NCOR2: variants seen among roughly 807,000 people sequenced by gnomAD.
NCOR2 encodes the protein CTG repeat protein 26.
In NCOR2, 81 loss-of-function variants were observed where a neutral mutation model predicts 262.9. The ratio of observed to expected loss-of-function variants is 0.31; its 90% CI spans 0.26 to 0.37. NCOR2 has a LOEUF of 0.37. Ranked by LOEUF, NCOR2 falls within the 10% of genes least tolerant of loss-of-function variation. The pLI, the probability that NCOR2 is intolerant of heterozygous loss-of-function variation, is 1.00. For missense variants in NCOR2, 3,385 were observed against 3,621.4 expected (o/e 0.93, Z 1.68); for synonymous variants, 1,659 against 1,559.3 (o/e 1.06, Z -1.51).
At chr12:124,538,933 G>A (rs2051201520), upstream of NCOR2, 1 of 152,448 alleles carries the variant, frequency 6.6e-6, no homozygotes, top group Middle Eastern at 3.4e-3. Flanking sequence ...CTGCTCTGAG[G>A]GAGGAGTCAC....
At chr12:124,367,508 C>T (rs1451228701) in intron 20 of NCOR2, among the ~76,000 whole-genome samples, 1 of 152,216 alleles carries the variant, frequency 6.6e-6, no homozygotes, top group African/African-American at 2.4e-5. Context: ...GTGGAAAACG[C>T]TCAGAGCTCA....
intron 1 of NCOR2, among the ~76,000 whole-genome samples, chr12:124,547,008 G>T (rs1298222618): frequency 7.9e-5 from 12 of 151,390 alleles, no homozygotes; most frequent in African/African-American, 2.4e-4. Flanking sequence ...TATTTTTTTT[G>T]AGATGGAGTC....
chr12:124,554,902 C>T (rs757139287), intron 1 of NCOR2, among the ~76,000 whole-genome samples: 19 of 152,334 alleles, frequency 1.2e-4, no homozygotes, highest in African/African-American at 4.3e-4. Flanking sequence ...GAGGGTGACC[C>T]GGAGGGGAAT....
chr12:124,494,746 T>G (rs149402081), intron 1 of NCOR2, among the ~76,000 whole-genome samples: 247 of 152,226 alleles, frequency 1.6e-3, no homozygotes, highest in African/African-American at 5.5e-3. Flanking sequence ...AGGGGAGCTG[T>G]GACCTATCCG....
intron 1 of NCOR2, among the ~76,000 whole-genome samples, chr12:124,533,743 G>A (rs540901691): frequency 4.6e-5 from 7 of 152,240 alleles, no homozygotes; most frequent in African/African-American, 9.6e-5. Context: ...AGAAACGCAC[G>A]GGAGCTGGTG....
At chr12:124,433,904 A>ACACACATG (rs2044172487) in intron 8 of NCOR2, among the ~76,000 whole-genome samples, 4 of 93,924 alleles carry the variant, frequency 4.3e-5, no homozygotes, top group South Asian at 7.9e-4. Flanking sequence ...ACACACGCAC[A>ACACACATG]CACACACACA....
At chr12:124,332,445 C>G in exon 43 of NCOR2, 1 of 1,614,182 alleles carries the variant, frequency 6.2e-7, no homozygotes, top group Non-Finnish European at 8.5e-7. Flanking sequence ...CTGGTGTTGC[C>G]TGGAGACTTG....
chr12:124,430,091 G>A, intron 9 of NCOR2, among the ~76,000 whole-genome samples: 1 of 152,226 alleles, frequency 6.6e-6, no homozygotes, highest in East Asian at 1.9e-4. Context: ...GCTGTTGTGG[G>A]GAACTTAATG....
chr12:124,529,275 T>C (rs2050660735), intron 1 of NCOR2, among the ~76,000 whole-genome samples: 1 of 145,186 alleles, frequency 6.9e-6, no homozygotes, highest in South Asian at 2.2e-4. Context: ...AAGAACAGCC[T>C]GGCCAACATG....
Position 124,340,323 on chromosome 12 carries a change from G to A in NCOR2, c.5459C>T (p.Thr1820Met), listed in dbSNP as rs61755988. ...TCTCCAGATGGGTGCGTGCTCCACC[G>A]TCGTGGTGGACGTGAGGATGGACTT... The change falls in exon 36 of 47, where the codon ACG becomes ATG. Residue 1820 changes from threonine (T) to methionine (M), a missense_variant. Thr to Met is a moderately conservative substitution (Grantham distance 81). Transcript: ENST00000405201. The A allele has an allele frequency of 7.1e-3, 11,525 of 1,612,434 alleles. 61 individuals are homozygous for A. Among genetic ancestry groups the A allele is most frequent in the Non-Finnish European group, 9.2e-3 (10,877 of 1,179,914 alleles).
Position 124,457,500 on chromosome 12 carries a change from AC to A in NCOR2, c.706-339del, listed in dbSNP as rs1313024972. ...GCACCGCTCCCCACCAGCCCAGCCG[AC>A]ACTGCCAGCCCTGAGATGCCTTCCC... On this transcript the variant is annotated intron_variant, in intron 5 of 46. Transcript: ENST00000405201. The surrounding 1 kb of genome is among the most constrained non-coding windows in gnomAD (Gnocchi z 4.0). 6.6e-6 allele frequency among the ~76,000 whole-genome samples: 1 copy of A among 152,008 alleles called. No individual in the cohort carries two copies. The highest frequency in any genetic ancestry group is 1.9e-4 in the East Asian group (1 of 5,154).
intron 8 of NCOR2, among the ~76,000 whole-genome samples, chr12:124,431,205 C>T (rs948259041): frequency 2.8e-5 from 4 of 144,924 alleles, no homozygotes; most frequent in African/African-American, 1.2e-4. Flanking sequence ...CACACAGGCA[C>T]ACACACATAC....
chr12:124,411,293 G>A (rs758512805), intron 13 of NCOR2, among the ~76,000 whole-genome samples: 15 of 151,100 alleles, frequency 9.9e-5, no homozygotes, highest in Middle Eastern at 3.4e-3. Context: ...GAGAGAGAGA[G>A]AAACCTAGAA....
chr12:124,479,464 CACACAA>C (rs1280135375), intron 3 of NCOR2, among the ~76,000 whole-genome samples: 195 of 101,008 alleles, frequency 1.9e-3, no homozygotes, highest in African/African-American at 6.8e-3. Context: ...TACACACACA[CACACAA>C]ACACGCAGGG....
In NCOR2 at chr12:124,327,639, A is replaced by G. The variant is rs1177660026; in HGVS notation, c.6959-6T>C. 2.6e-6 allele frequency: 4 copies of G among 1,565,346 alleles called. No homozygotes were observed. The highest frequency in any genetic ancestry group is 1.1e-5 in the South Asian group (1 of 90,112). ...GCTTCTATAGGTCATAAGGCCTGGGAGAGAGAGACAGACAGACAGACAGAC... is the reference window on the plus strand; with the variant it reads ...GCTTCTATAGGTCATAAGGCCTGGGGGAGAGAGACAGACAGACAGACAGAC... On this transcript the variant is annotated splice_region_variant and splice_polypyrimidine_tract_variant and intron_variant, in intron 44 of 46. Coordinates refer to ENST00000405201, the Ensembl canonical transcript of NCOR2.
intron 29 of NCOR2, 86 bp downstream of exon 31, chr12:124,348,088 G>A (rs952465041): frequency 6.3e-7 from 1 of 1,582,348 alleles, no homozygotes; most frequent in African/African-American, 1.3e-5. Context: ...CCCAGCCTCG[G>A]TTTCCCCATC....
intron 8 of NCOR2, among the ~76,000 whole-genome samples, chr12:124,436,942 C>A (rs1052238584): frequency 1.3e-5 from 2 of 151,952 alleles, no homozygotes; most frequent in Admixed American, 6.6e-5. Flanking sequence ...AAAAATTAGC[C>A]GGGCTTGGTG....
rs1350073771 is a variant in NCOR2, at chr12:124,566,392, C to A, written c.-165+916G>T. On this transcript the variant is annotated intron_variant, in intron 1 of 32. Coordinates refer to the NCOR2 transcript ENST00000458234. This position sits in a 1 kb window ranked among gnomAD's most constrained non-coding sequence, Gnocchi z 4.3. ...GCCGGGCGCCCCACGCTAATTGGGC[C>A]CGGGCGACAGCAGCTCCCAGGTACA... Among the ~76,000 whole-genome samples the A allele has an allele frequency of 6.6e-6, 1 of 152,034 alleles. No individual in the cohort carries two copies. The highest frequency in any genetic ancestry group is 2.4e-5 in the African/African-American group (1 of 41,390).
At chr12:124,466,810 G>C (rs2046439367) in intron 4 of NCOR2, among the ~76,000 whole-genome samples, 1 of 152,034 alleles carries the variant, frequency 6.6e-6, no homozygotes, top group African/African-American at 2.4e-5. Flanking sequence ...GAAGCTCCTG[G>C]ACCTCTCTAA....
Sources: gnomAD v4.1 joint callset for allele counts (sites outside exome capture counted in the v4.1 genomes callset) on GRCh38, gnomAD v4.1.1 for gene constraint, Gnocchi (gnomAD v3.1) non-coding constraint, MANE v1.5 for transcripts, NCBI Gene and HGNC (gene_info 2026-07-23, HGNC 2026-07-21) for gene names.